The following WASHC2A variants were observed in gnomAD, a reference collection of about 807,000 sequenced individuals.
WASHC2A encodes WASH complex subunit 2A, also known as WASH complex subunit FAM21A.
Under a neutral mutation model 140.3 loss-of-function variants are expected in WASHC2A, and 82 were observed. The observed-to-expected ratio is 0.58, with a 90% CI of 0.49 to 0.70. WASHC2A has a LOEUF of 0.70. Ranked by LOEUF, WASHC2A falls within the 30% of genes least tolerant of loss-of-function variation. The pLI, the probability that WASHC2A is intolerant of heterozygous loss-of-function variation, is 0.00. For missense variants in WASHC2A, 985 were observed against 1,521.8 expected (o/e 0.65, Z 5.87); for synonymous variants, 340 against 560.8 (o/e 0.61, Z 5.56).
At chr10:50,092,415 T>A (rs1589195416) in intron 11 of WASHC2A, among the ~76,000 whole-genome samples, 182 bp downstream of exon 11, 1 of 152,320 alleles carries the variant, frequency 6.6e-6, no homozygotes, top group Admixed American at 6.5e-5. Flanking sequence ...CCCAGCGCTT[T>A]GGGAGGCCGA....
chr10:50,102,121 C>T (rs1186593136), intron 17 of WASHC2A, among the ~76,000 whole-genome samples: 1 of 152,220 alleles, frequency 6.6e-6, no homozygotes, highest in Non-Finnish European at 1.5e-5. Flanking sequence ...TAAATGTACT[C>T]TCAGACTTGT....
At chr10:50,098,773 T>A (rs1687932347) in intron 16 of WASHC2A, among the ~76,000 whole-genome samples, 2 of 147,512 alleles carry the variant, frequency 1.4e-5, no homozygotes, top group East Asian at 2.0e-4. Context: ...AGAATGTGTC[T>A]CGTGAATTTG....
chr10:50,130,039 G>A lies in WASHC2A; in HGVS notation c.3708G>A (p.Glu1236=). ...DVILTTQDIF[E]DDIFATEAIK... is the part of the protein sequence containing the mutation. ...TATTAACAACACAAGATATTTTTGA[G>A]GTAATAGGACTTAACACGTTTTTGT... Residue 1236 remains glutamate (E), a splice_region_variant and synonymous_variant, in exon 29 of 31, where the codon GAG becomes GAA. Transcript: ENST00000282633. 2 of 1,611,858 alleles carry A rather than the reference G, an allele frequency of 1.2e-6. No individual in the cohort carries two copies. Among genetic ancestry groups the A allele is most frequent in the Admixed American group, 1.7e-5 (1 of 59,980 alleles).
chr10:50,078,948 G>C (rs1838635955), intron 4 of WASHC2A, among the ~76,000 whole-genome samples: 1 of 152,046 alleles, frequency 6.6e-6, no homozygotes, highest in Admixed American at 6.6e-5. Context: ...TCTGATATAA[G>C]AATAGAGTAG....
intron 7 of WASHC2A, 30 bp from the exon 8 acceptor site, chr10:50,087,245 T>C: frequency 6.2e-7 from 1 of 1,613,884 alleles, no homozygotes; most frequent in Non-Finnish European, 8.5e-7. Context: ...AAAGCCCATT[T>C]AACAACAAAG....
intron 11 of WASHC2A, among the ~76,000 whole-genome samples, chr10:50,092,644 G>A (rs1270209677): frequency 6.6e-6 from 1 of 151,614 alleles, no homozygotes; most frequent in East Asian, 2.0e-4. Flanking sequence ...GTGATGGTGT[G>A]AGACTCCATC....
chr10:50,068,364 C>A, intron 2 of WASHC2A, 137 bp downstream of exon 2: 1 of 1,185,498 alleles, frequency 8.4e-7, no homozygotes, highest in Non-Finnish European at 1.1e-6. Flanking sequence ...CCCGTTTAGC[C>A]CCCGAGAATG....
At chr10:50,102,072 G>A (rs1338355333) in intron 17 of WASHC2A, among the ~76,000 whole-genome samples, 1 of 152,198 alleles carries the variant, frequency 6.6e-6, no homozygotes, top group African/African-American at 2.4e-5. Context: ...CAGGTTTATG[G>A]GGAGAGGCCA....
At chr10:50,116,562 C>T (rs1180301080) in intron 21 of WASHC2A, among the ~76,000 whole-genome samples, 1 of 149,394 alleles carries the variant, frequency 6.7e-6, no homozygotes, top group Non-Finnish European at 1.5e-5. Flanking sequence ...ATCCGCCCAC[C>T]TTGGCCTCCC....
In WASHC2A at chr10:50,125,450, G is replaced by A. The variant is rs1448579267; in HGVS notation, c.2688+1G>A. ...CAGCTCTGCCAAGTCCCAGCCTTTG[G>A]TACCAGCCTTTTGTTCTCAATACTG... On this transcript the variant is annotated splice_donor_variant, in intron 25 of 30. Coordinates refer to ENST00000282633, the MANE Select transcript of WASHC2A (RefSeq NM_001005751.3). LOFTEE classifies it high-confidence loss of function. 7.5e-6 allele frequency: 12 copies of A among 1,597,952 alleles called. No homozygotes were observed. Among genetic ancestry groups the A allele is most frequent in the Non-Finnish European group, 1.0e-5 (12 of 1,174,734 alleles).
chr10:50,090,858 T>C lies in WASHC2A; in HGVS notation c.815T>C (p.Ile272Thr), dbSNP rs1409292506. 2.2e-5 allele frequency: 35 copies of C among 1,611,538 alleles called. No homozygotes were observed. The highest frequency in any genetic ancestry group is 1.3e-4 in the East Asian group (6 of 44,850). Residue 272 changes from isoleucine to threonine, a missense_variant, in exon 9 of 31, where the codon ATT (isoleucine) becomes ACT (threonine). Coordinates refer to ENST00000282633, the MANE Select transcript of WASHC2A (RefSeq NM_001005751.3). ...GACTCTGAGAAGGAGGAGGAAGATATTGAGGACATTGAAGAAAATACTAGA... is the reference window on the plus strand; with the variant it reads ...GACTCTGAGAAGGAGGAGGAAGATACTGAGGACATTGAAGAAAATACTAGA... ...FADSEKEEED[I>T]EDIEENTRPK... is the part of the protein sequence containing the mutation.
At chr10:50,071,557 G>A (rs1487839788) in intron 3 of WASHC2A, among the ~76,000 whole-genome samples, 2 of 151,736 alleles carry the variant, frequency 1.3e-5, no homozygotes, top group African/African-American at 4.8e-5. Flanking sequence ...CGCCCACCTC[G>A]GCCTCCCAAA....
At chr10:50,109,819 G>C (rs1437694727) in intron 19 of WASHC2A, among the ~76,000 whole-genome samples, 30 of 152,062 alleles carry the variant, frequency 2.0e-4, no homozygotes, top group African/African-American at 7.0e-4. Context: ...CCCCAGGCTG[G>C]AGTGCAGTGG....
At chr10:50,108,923 C>T (rs1227568017) in intron 19 of WASHC2A, among the ~76,000 whole-genome samples, 12 of 149,866 alleles carry the variant, frequency 8.0e-5, no homozygotes, top group South Asian at 2.1e-4. Flanking sequence ...GAAGACCTGA[C>T]GAGTGCTGAC....
chr10:50,103,837 C>T (rs1437659832), intron 17 of WASHC2A, among the ~76,000 whole-genome samples: 3 of 152,084 alleles, frequency 2.0e-5, no homozygotes, highest in South Asian at 2.1e-4. Context: ...CTGTAGCTCT[C>T]CTCCTCCTTA....
chr10:50,109,263 G>A (rs1472846403), intron 19 of WASHC2A, among the ~76,000 whole-genome samples: 8 of 152,186 alleles, frequency 5.3e-5, no homozygotes, highest in Non-Finnish European at 7.3e-5. Context: ...GAGCATAGTC[G>A]AGTAGAATTT....
In WASHC2A at chr10:50,099,301, G is replaced by T. The variant is rs1197064874; in HGVS notation, c.1549-677G>T. Among the ~76,000 whole-genome samples the T allele has an allele frequency of 2.8e-5, 4 of 144,210 alleles. No individual in the cohort carries two copies. In the East Asian group the frequency reaches 6.0e-4, roughly 22 times the overall value. 94.6% of individuals were successfully genotyped at this position (144,210 alleles called of 152,430 possible). A position where few individuals can be genotyped will look rare whatever the true frequency, so the allele number is the denominator to read the frequency against. ...TTTTTTTTTTATGAGACAGGGTCTT[G>T]CTCTGTTGCCCAGACTGGAGTGTAG... is the stretch of plus-strand genomic sequence containing the variant. On this transcript the variant is annotated intron_variant, in intron 16 of 30. Transcript: ENST00000282633.
chr10:50,093,452 T>A, intron 12 of WASHC2A, 66 bp downstream of exon 12: 1 of 760,536 alleles, frequency 1.3e-6, no homozygotes, highest in Non-Finnish European at 2.1e-6. Context: ...AGGGAAGATA[T>A]AGGCTTTGCT....
intron 8 of WASHC2A, among the ~76,000 whole-genome samples, chr10:50,087,719 C>G (rs1417892126): frequency 6.6e-6 from 1 of 152,130 alleles, no homozygotes; most frequent in Non-Finnish European, 1.5e-5. Flanking sequence ...GCACGGTTAT[C>G]TTAATTTTTG....
Sources: allele counts gnomAD v4.1 joint callset (sites outside exome capture counted in the v4.1 genomes callset), GRCh38; gene constraint gnomAD v4.1.1; transcripts MANE v1.5; gene names NCBI Gene and HGNC (gene_info 2026-07-23, HGNC 2026-07-21).